DNM1L: variants seen among roughly 807,000 people sequenced by gnomAD.
DNM1L encodes the protein dynamin 1L.
Under a neutral mutation model 92.8 loss-of-function variants are expected in DNM1L, and 33 were observed. That is an observed-to-expected ratio of 0.36 (90% CI 0.27 to 0.48). The LOEUF is 0.48. DNM1L is among the 20% of genes least tolerant of loss of function. The probability of loss-of-function intolerance (pLI) is 0.99; values close to 1 mark genes in which losing one functional copy is unlikely to be tolerated. For synonymous variants in DNM1L, 284 were observed against 305.0 expected, an observed-to-expected ratio of 0.93 and a Z score of 0.72; for missense variants, 485 against 888.8, an observed-to-expected ratio of 0.55 and a Z score of 5.78.
Position 32,737,151 on chromosome 12 carries a change from C to T in DNM1L, c.1586C>T (p.Ser529Leu). 7 of 1,613,650 alleles carry T rather than the reference C, an allele frequency of 4.3e-6. No homozygotes were observed. Among genetic ancestry groups the T allele is most frequent in the Non-Finnish European group, 5.9e-6 (7 of 1,179,852 alleles). ...RLARELPSAV[S>L]RDKSSKVPSA... ...GCCAGAGAATTACCTTCAGCTGTAT[C>T]ACGAGACAAGGTAAAAAAATGTTTT... The change falls in exon 14 of 20, where the codon TCA becomes TTA. Residue 529 changes from serine (S) to leucine (L), a missense_variant. Physicochemically the swap from Ser to Leu is moderately radical, Grantham distance 145. This residue lies in a region of DNM1L where 65 missense variants were observed against 59.4 expected (regional missense o/e 1.09). Coordinates refer to ENST00000549701, the MANE Select transcript of DNM1L (RefSeq NM_012062.5).
chr12:32,682,050 C>T (rs1951826086), intron 1 of DNM1L, among the ~76,000 whole-genome samples: 1 of 151,854 alleles, frequency 6.6e-6, no homozygotes, highest in South Asian at 2.1e-4. Context: ...ACATATTATC[C>T]ATACCTTAAA....
chr12:32,744,851 A>T lies in DNM1L; in HGVS notation c.*1441A>T, dbSNP rs772846274. ...TAAAATTCCCCAGATGATTCTTGGT[A>T]TGAACGACTATATTATAAATTTTAA... On this transcript the variant is annotated 3_prime_UTR_variant, in exon 20 of 20. Coordinates refer to ENST00000549701, the MANE Select transcript of DNM1L (RefSeq NM_012062.5). 4.0e-6 allele frequency: 2 copies of T among 494,010 alleles called. No individual in the cohort carries two copies. The highest frequency in any genetic ancestry group is 2.9e-5 in the South Asian group (2 of 68,366). 30.6% of individuals were successfully genotyped at this position (494,010 alleles called of 1,614,324 possible). A position where few individuals can be genotyped will look rare whatever the true frequency, so the allele number is the denominator to read the frequency against.
chr12:32,679,619 G>C, intron 1 of DNM1L, 154 bp downstream of exon 1: 2 of 1,352,504 alleles, frequency 1.5e-6, no homozygotes, highest in Non-Finnish European at 1.9e-6. Flanking sequence ...AGGGCTCTCC[G>C]GGCTCTGCCG....
chr12:32,694,648 C>T (rs1952366814), intron 1 of DNM1L, among the ~76,000 whole-genome samples: 1 of 152,126 alleles, frequency 6.6e-6, no homozygotes, highest in African/African-American at 2.4e-5. Context: ...ATCTATATGA[C>T]TTTCCCCTAA....
At chr12:32,736,938 A>T in intron 13 of DNM1L, 167 bp from the exon 14 acceptor site, 2 of 679,642 alleles carry the variant, frequency 2.9e-6, no homozygotes, top group East Asian at 2.8e-5. Context: ...GCTTTGGGTT[A>T]AATGATTTCT....
chr12:32,714,784 C>T (rs1050775622), intron 6 of DNM1L, among the ~76,000 whole-genome samples: 5 of 150,496 alleles, frequency 3.3e-5, no homozygotes, highest in Non-Finnish European at 5.9e-5. Context: ...CTCAGGAGTT[C>T]GAGACCAGCC....
At chr12:32,693,469 G>T (rs1482274866) in intron 1 of DNM1L, among the ~76,000 whole-genome samples, 1 of 152,094 alleles carries the variant, frequency 6.6e-6, no homozygotes, top group African/African-American at 2.4e-5. Flanking sequence ...CTTTTCTTCT[G>T]TGGTTTTGTA....
chr12:32,717,221 A>G, intron 6 of DNM1L, among the ~76,000 whole-genome samples: 1 of 111,074 alleles, frequency 9.0e-6, no homozygotes, highest in East Asian at 2.4e-4. Flanking sequence ...TAAAATATAT[A>G]GTATATATTA....
Position 32,742,696 on chromosome 12 carries a change from C to T in DNM1L, c.2102C>T (p.Thr701Ile), listed in dbSNP as rs1432284979. ...YKSSLLDDLL[T>I]ESEDMAQRRK... Reference sequence around the variant, plus strand: ...TCATCCTTATTGGATGATCTTCTGACAGAATCTGAGGACATGGCACAGCGC... The same window carrying T: ...TCATCCTTATTGGATGATCTTCTGATAGAATCTGAGGACATGGCACAGCGC... Residue 701 changes from threonine to isoleucine, a missense_variant, in exon 19 of 20, where the codon ACA (threonine) becomes ATA (isoleucine). By Grantham distance (89) the Thr-to-Ile change is moderately conservative (BLOSUM62 -1). This residue lies in a region of DNM1L where 133 missense variants were observed against 210.9 expected (regional missense o/e 0.63). Coordinates refer to ENST00000549701, the MANE Select transcript of DNM1L (RefSeq NM_012062.5). 6.8e-6 allele frequency: 11 copies of T among 1,613,886 alleles called. No individual in the cohort carries two copies. The highest frequency in any genetic ancestry group is 1.3e-5 in the African/African-American group (1 of 74,874).
rs551238098 is a variant in DNM1L at position 32,717,978 on chromosome 12, T to C, written c.620-665T>C. ...TATATAGTATATATATTATATATAG[T>C]ATATATAGTATGTATAGTATATATA... On this transcript the variant is annotated intron_variant, in intron 6 of 19. Coordinates refer to ENST00000549701, the MANE Select transcript of DNM1L (RefSeq NM_012062.5). Among the ~76,000 whole-genome samples, 777 of 106,474 alleles carry C rather than the reference T, an allele frequency of 7.3e-3. 58 individuals are homozygous for C. The highest frequency in any genetic ancestry group is 0.029 in the African/African-American group (712 of 24,620). The allele number at this position is 106,474 out of a possible 152,430, so 69.9% of individuals were successfully genotyped here.
At chr12:32,711,946 T>C (rs1953140766) in intron 5 of DNM1L, among the ~76,000 whole-genome samples, 1 of 152,204 alleles carries the variant, frequency 6.6e-6, no homozygotes, top group South Asian at 2.1e-4. Context: ...GTAGTCATCC[T>C]TGACACTAAT....
At position 32,688,653 on chromosome 12, in the gene DNM1L, T is replaced by G. The variant is rs115395245; in HGVS notation, c.102+9188T>G. Among the ~76,000 whole-genome samples, 1,227 of 152,352 alleles carry G rather than the reference T, an allele frequency of 8.1e-3. 20 individuals carry two copies. Among genetic ancestry groups the G allele is most frequent in the African/African-American group, 0.027 (1,130 of 41,584 alleles). ...TTATCTCAATGTGTGTATTTCTTTGTGTTTATCCTGCTTTGAGTTCATCGA... is the reference window on the plus strand; with the variant it reads ...TTATCTCAATGTGTGTATTTCTTTGGGTTTATCCTGCTTTGAGTTCATCGA... On this transcript the variant is annotated intron_variant, in intron 1 of 19. Transcript: ENST00000549701.
At position 32,707,249 on chromosome 12, in the gene DNM1L, A is replaced by T. The variant is rs989473778; in HGVS notation, c.251-118A>T. The T allele has an allele frequency of 1.6e-5, 12 of 748,984 alleles. No homozygotes were observed. In the African/African-American group the frequency reaches 1.8e-4, roughly 11 times the overall value. 46.4% of individuals were successfully genotyped at this position (748,984 alleles called of 1,614,324 possible). On this transcript the variant is annotated intron_variant, in intron 2 of 19. Transcript: ENST00000549701. Reference sequence around the variant, plus strand: ...GACCTTAAAATACTTGTTAACTTGTACTTAATGGCAAAATTAAATACAAGT... The same window carrying T: ...GACCTTAAAATACTTGTTAACTTGTTCTTAATGGCAAAATTAAATACAAGT...
rs900964208 is a variant in DNM1L, at chr12:32,731,223, A to G, written c.1200+89A>G. ...ACTGTGTCTTTTTAAATTTAATTAT[A>G]CAGTTTATTTTGCTCTCATATTTGA... On this transcript the variant is annotated intron_variant, in intron 10 of 19. Transcript: ENST00000549701. This position sits in a 1 kb window ranked among gnomAD's most constrained non-coding sequence, Gnocchi z 5.1. 2 of 1,594,572 alleles carry G rather than the reference A, an allele frequency of 1.3e-6. No individual in the cohort carries two copies. Among genetic ancestry groups the G allele is most frequent in the African/African-American group, 1.3e-5 (1 of 74,118 alleles).
At chr12:32,717,240 TTA>T (rs1338338034) in intron 6 of DNM1L, among the ~76,000 whole-genome samples, 6 of 108,102 alleles carry the variant, frequency 5.6e-5, no homozygotes, top group African/African-American at 2.3e-4. Context: ...TATATATATT[TTA>T]TATATAGTAT....
At chr12:32,738,108 T>G in intron 15 of DNM1L, 156 bp from the exon 16 acceptor site, 1 of 1,057,822 alleles carries the variant, frequency 9.5e-7, no homozygotes, top group Non-Finnish European at 1.4e-6. Flanking sequence ...ATGCAATGCA[T>G]AGTTTATATT....
At chr12:32,714,417 C>T (rs958754684) in intron 6 of DNM1L, among the ~76,000 whole-genome samples, 14 of 151,640 alleles carry the variant, frequency 9.2e-5, no homozygotes, top group Non-Finnish European at 2.1e-4. Context: ...GGACTACAGG[C>T]GCCTGCCACC....
At position 32,740,071 on chromosome 12, in the gene DNM1L, C is replaced by T. The variant is rs200121892; in HGVS notation, c.1715C>T (p.Ser572Phe). The change falls in exon 17 of 20, where the codon TCT becomes TTT. Residue 572 changes from serine to phenylalanine, a missense_variant. By Grantham distance (155) the Ser-to-Phe change is radical (BLOSUM62 -2). Around this residue, in one of 11 missense-constraint regions of DNM1L, gnomAD observed 133 missense variants for 210.9 expected, o/e 0.63. Coordinates refer to ENST00000549701, the MANE Select transcript of DNM1L (RefSeq NM_012062.5). ...DSRRETKNVA[S>F]GGGGVGDGVQ... ...TGGAACATGTTTTTTCAGGTTGCAT[C>T]TGGAGGTGGTGGGGTTGGAGATGGT... is the stretch of plus-strand genomic sequence containing the variant. The T allele has an allele frequency of 6.8e-6, 11 of 1,614,088 alleles. No individual in the cohort carries two copies. The South Asian group carries it at 1.2e-4, about 18-fold the overall frequency.
chr12:32,715,093 C>CTTT (rs369946346), intron 6 of DNM1L, among the ~76,000 whole-genome samples: 1 of 139,846 alleles, frequency 7.2e-6, no homozygotes, highest in Non-Finnish European at 1.6e-5. Flanking sequence ...TTAATCTAAT[C>CTTT]TTTTTTTTTT....
Sources: gnomAD v4.1 joint callset for allele counts (sites outside exome capture counted in the v4.1 genomes callset) on GRCh38, gnomAD v4.1.1 for gene constraint, gnomAD v4.1.1 regional missense constraint, Gnocchi (gnomAD v3.1) non-coding constraint, MANE v1.5 for transcripts, NCBI Gene and HGNC (gene_info 2026-07-23, HGNC 2026-07-21) for gene names.